The following RANBP2 variants were observed in gnomAD, a reference collection of about 807,000 sequenced individuals.
RANBP2 encodes RAN binding protein 2.
In RANBP2, 57 loss-of-function variants were observed where a neutral mutation model predicts 303.6. The ratio of observed to expected loss-of-function variants is 0.19; its 90% CI spans 0.15 to 0.23. The LOEUF (loss-of-function observed/expected upper bound fraction) is 0.23, where lower values mean the gene tolerates loss of function less well. RANBP2 is among the 10% of genes least tolerant of loss of function. The pLI is 1.00. For synonymous variants in RANBP2, 1,167 were observed against 1,301.5 expected (o/e 0.90, Z 2.23); for missense variants, 3,138 against 3,780.8 (o/e 0.83, Z 4.46).
At chr2:109,652,447 G>A in the RANBP2 span, among the ~76,000 whole-genome samples, 29 of 152,084 alleles carry the variant, frequency 1.9e-4, no homozygotes, top group African/African-American at 5.3e-4. Context: ...GGATGGTCTT[G>A]ATCTCCTGAC....
chr2:108,750,133 G>A (rs965133137), intron 9 of RANBP2, among the ~76,000 whole-genome samples: 2 of 152,234 alleles, frequency 1.3e-5, no homozygotes, highest in Non-Finnish European at 1.5e-5. Context: ...GCGACAGAGC[G>A]AGACTTCGTC....
the RANBP2 span, among the ~76,000 whole-genome samples, chr2:109,592,709 G>A: frequency 6.6e-6 from 1 of 151,274 alleles, no homozygotes; most frequent in African/African-American, 2.4e-5. Context: ...GAACCCGGGA[G>A]GCAGAGGTTG....
chr2:109,005,920 G>A, the RANBP2 span, among the ~76,000 whole-genome samples: 1 of 152,162 alleles, frequency 6.6e-6, no homozygotes, highest in Admixed American at 6.5e-5. Flanking sequence ...CAATTCCCAG[G>A]GCTTCGGAGT....
chr2:109,144,729 G>C, the RANBP2 span, among the ~76,000 whole-genome samples: 1 of 152,238 alleles, frequency 6.6e-6, no homozygotes, highest in African/African-American at 2.4e-5. Flanking sequence ...CCTCCAGCTG[G>C]TGATGCATGC....
chr2:108,934,282 C>A, the RANBP2 span, among the ~76,000 whole-genome samples: 1 of 152,106 alleles, frequency 6.6e-6, no homozygotes, highest in African/African-American at 2.4e-5. Context: ...GTTTGGATCC[C>A]ACTTCTCAGA....
the RANBP2 span, among the ~76,000 whole-genome samples, chr2:109,343,205 G>T: frequency 2.0e-5 from 3 of 152,086 alleles, no homozygotes; most frequent in South Asian, 6.2e-4. Context: ...CCTGCCTTAG[G>T]CCCCTTCCAT....
chr2:109,165,030 T>C, the RANBP2 span, among the ~76,000 whole-genome samples: 4 of 152,226 alleles, frequency 2.6e-5, no homozygotes, highest in Non-Finnish European at 5.9e-5. Context: ...GCCAGTTTCC[T>C]TCACGGAATC....
chr2:109,544,276 G>A, the RANBP2 span: 7 of 1,612,762 alleles, frequency 4.3e-6, 1 homozygote, highest in South Asian at 7.7e-5. Context: ...GTTTGCTTGT[G>A]ATGATGACCT....
the RANBP2 span, among the ~76,000 whole-genome samples, chr2:109,216,383 C>T: frequency 6.6e-6 from 1 of 152,230 alleles, no homozygotes; most frequent in East Asian, 1.9e-4. Context: ...AGCTCCAAAA[C>T]CACCCTCTGT....
chr2:109,196,208 G>A, the RANBP2 span, among the ~76,000 whole-genome samples: 1 of 152,196 alleles, frequency 6.6e-6, no homozygotes, highest in Non-Finnish European at 1.5e-5. Context: ...CACCCTTGAG[G>A]CCATGTCGGG....
intron 4 of RANBP2, among the ~76,000 whole-genome samples, chr2:108,734,059 T>A (rs560858797): frequency 3.6e-4 from 55 of 152,152 alleles, no homozygotes; most frequent in African/African-American, 1.3e-3. Context: ...ATTTTTAACA[T>A]AGAGTCAAAG....
chr2:109,409,472 C>A, the RANBP2 span, among the ~76,000 whole-genome samples: 2 of 152,188 alleles, frequency 1.3e-5, no homozygotes, highest in African/African-American at 4.8e-5. Context: ...GGGCCAGATC[C>A]AACCTGTGGG....
At chr2:109,441,910 A>G in the RANBP2 span, among the ~76,000 whole-genome samples, 1 of 152,336 alleles carries the variant, frequency 6.6e-6, no homozygotes, top group Admixed American at 6.5e-5. Context: ...TGAAAGAAAT[A>G]TAGCTGTCAA....
the RANBP2 span, among the ~76,000 whole-genome samples, chr2:108,980,502 TTATG>T: frequency 0.025 from 3,861 of 152,214 alleles, 94 homozygotes; most frequent in African/African-American, 0.063. Flanking sequence ...TTATGTGATA[TTATG>T]TGTGTATGTA....
chr2:108,880,890 C>T, the RANBP2 span, among the ~76,000 whole-genome samples: 31 of 152,320 alleles, frequency 2.0e-4, no homozygotes, highest in Non-Finnish European at 3.2e-4. Flanking sequence ...TGAACCAAAA[C>T]GTAATTTCAA....
the RANBP2 span, among the ~76,000 whole-genome samples, chr2:109,702,577 A>T: frequency 6.6e-6 from 1 of 152,188 alleles, no homozygotes; most frequent in East Asian, 1.9e-4. Flanking sequence ...CCACAAAGGG[A>T]TAACAAACCA....
chr2:109,152,759 A>T, the RANBP2 span, among the ~76,000 whole-genome samples: 1 of 151,826 alleles, frequency 6.6e-6, no homozygotes, highest in Non-Finnish European at 1.5e-5. Flanking sequence ...GGCGGGGGGG[A>T]CCCAGTGTCC....
At chr2:109,610,095 G>GTTTTTTTTTTTTTTTTTTTTTTTTTT in the RANBP2 span, among the ~76,000 whole-genome samples, 1 of 143,434 alleles carries the variant, frequency 7.0e-6, no homozygotes, top group African/African-American at 2.6e-5. Context: ...TCCCTGAGGT[G>GTTTTTTTTTTTTTTTTTTTTTTTTTT]TTTTTTTTTT....
chr2:109,239,446 T>C, the RANBP2 span, among the ~76,000 whole-genome samples: 1 of 152,246 alleles, frequency 6.6e-6, no homozygotes. Context: ...TCTTCCCTGC[T>C]CCTTGCCTCC....
Sources: allele counts gnomAD v4.1 joint callset (sites outside exome capture counted in the v4.1 genomes callset), GRCh38; gene constraint gnomAD v4.1.1; transcripts MANE v1.5; gene names NCBI Gene and HGNC (gene_info 2026-07-23, HGNC 2026-07-21).